Variants in BBX observed in about 807,000 individuals in gnomAD.
BBX encodes HMG box transcription factor BBX.
In BBX, 30 loss-of-function variants were observed where a neutral mutation model predicts 100.2. That is an observed-to-expected ratio of 0.30 (90% CI 0.22 to 0.41). BBX has a LOEUF of 0.41. Ranked by LOEUF, BBX falls within the 10% of genes least tolerant of loss-of-function variation. BBX has a pLI of 1.00. For missense variants in BBX, 1,023 were observed against 1,129.8 expected, an observed-to-expected ratio of 0.91 and a Z score of 1.35; for synonymous variants, 376 against 388.1, an observed-to-expected ratio of 0.97 and a Z score of 0.37.
At chr3:107,754,809 G>A (rs2065348650) in intron 9 of BBX, among the ~76,000 whole-genome samples, 1 of 152,222 alleles carries the variant, frequency 6.6e-6, no homozygotes, top group Admixed American at 6.5e-5. Flanking sequence ...AGGTGAAGAT[G>A]CTTGTAAATG....
intron 10 of BBX, among the ~76,000 whole-genome samples, chr3:107,756,605 A>G (rs1023377929): frequency 1.3e-5 from 2 of 152,180 alleles, no homozygotes; most frequent in African/African-American, 4.8e-5. Context: ...AAAATATATA[A>G]TATCTTTAAA....
At chr3:107,693,940 A>G (rs2060377576) in intron 3 of BBX, among the ~76,000 whole-genome samples, 1 of 151,018 alleles carries the variant, frequency 6.6e-6, no homozygotes, top group African/African-American at 2.5e-5. Context: ...ATTGCTAGGT[A>G]TTTTATTCTC....
intron 2 of BBX, among the ~76,000 whole-genome samples, chr3:107,534,190 T>G (rs1396260294): frequency 2.0e-5 from 3 of 152,168 alleles, no homozygotes; most frequent in African/African-American, 4.8e-5. Context: ...CATTCCTTGG[T>G]GTAGGAAAGC....
At chr3:107,532,452 G>T (rs760578959) in intron 2 of BBX, among the ~76,000 whole-genome samples, 3 of 152,102 alleles carry the variant, frequency 2.0e-5, no homozygotes, top group Non-Finnish European at 1.5e-5. Flanking sequence ...TTCTAATTGG[G>T]GTGTTCCTCA....
intron 2 of BBX, among the ~76,000 whole-genome samples, chr3:107,606,339 G>C (rs1170556645): frequency 1.3e-5 from 2 of 152,168 alleles, no homozygotes; most frequent in Non-Finnish European, 2.9e-5. Context: ...AAAATGGTTT[G>C]CAATAGCAGA....
intron 3 of BBX, among the ~76,000 whole-genome samples, chr3:107,646,857 T>C (rs2057547723): frequency 6.6e-6 from 1 of 152,174 alleles, no homozygotes; most frequent in African/African-American, 2.4e-5. Flanking sequence ...CTTCCCCTTT[T>C]GGTAACTATA....
At chr3:107,791,432 T>C in intron 15 of BBX, 133 bp downstream of exon 15, 1 of 711,364 alleles carries the variant, frequency 1.4e-6, no homozygotes, top group South Asian at 2.6e-5. Flanking sequence ...AATTAGGTTA[T>C]TTTTAATTTT....
intron 2 of BBX, among the ~76,000 whole-genome samples, chr3:107,556,434 C>CAG (rs1406341028): frequency 6.6e-6 from 1 of 152,114 alleles, no homozygotes; most frequent in Non-Finnish European, 1.5e-5. Context: ...AGCAAACTTT[C>CAG]AGAGCCCTTC....
chr3:107,669,909 T>C (rs918554492), intron 3 of BBX, among the ~76,000 whole-genome samples: 5 of 152,200 alleles, frequency 3.3e-5, no homozygotes, highest in African/African-American at 1.2e-4. Flanking sequence ...ACACCCCTGC[T>C]CTGACTCATG....
chr3:107,528,365 G>A (rs1416939535), intron 2 of BBX, among the ~76,000 whole-genome samples: 2 of 152,134 alleles, frequency 1.3e-5, no homozygotes, highest in African/African-American at 4.8e-5. Flanking sequence ...CTATTGAAAA[G>A]GTGGCTCATC....
At chr3:107,647,267 A>C (rs1230586377) in intron 3 of BBX, among the ~76,000 whole-genome samples, 1 of 152,182 alleles carries the variant, frequency 6.6e-6, no homozygotes, top group Non-Finnish European at 1.5e-5. Flanking sequence ...TTTAAAGAAA[A>C]TGGAATTTGT....
chr3:107,695,017 T>A (rs201441003), intron 3 of BBX, among the ~76,000 whole-genome samples: 44,300 of 149,988 alleles, frequency 0.3, 8,018 homozygotes, highest in East Asian at 0.91. Context: ...TGGTAGTTTG[T>A]ATTTCTGTGG....
intron 2 of BBX, among the ~76,000 whole-genome samples, chr3:107,625,010 A>G (rs1333977899): frequency 6.6e-6 from 1 of 152,174 alleles, no homozygotes; most frequent in Admixed American, 6.5e-5. Flanking sequence ...TTCTTCTAGC[A>G]TTGATTTTTG....
chr3:107,769,607 A>G (rs892153288), intron 10 of BBX, among the ~76,000 whole-genome samples: 4 of 152,146 alleles, frequency 2.6e-5, no homozygotes, highest in Non-Finnish European at 1.5e-5. Context: ...GGAGATGGGA[A>G]GAGACTTACG....
intron 2 of BBX, among the ~76,000 whole-genome samples, chr3:107,634,560 T>C (rs1368776561): frequency 1.3e-5 from 2 of 152,224 alleles, no homozygotes; most frequent in Non-Finnish European, 2.9e-5. Flanking sequence ...ATAGACAATC[T>C]CTTGAAGATT....
intron 2 of BBX, among the ~76,000 whole-genome samples, chr3:107,600,859 A>G (rs763909981): frequency 1.3e-5 from 2 of 152,118 alleles, no homozygotes; most frequent in Non-Finnish European, 2.9e-5. Flanking sequence ...CTGACTGTCC[A>G]TGTGTACCTT....
At chr3:107,742,477 A>G (rs867770734) in intron 7 of BBX, among the ~76,000 whole-genome samples, 2 of 152,192 alleles carry the variant, frequency 1.3e-5, no homozygotes, top group Non-Finnish European at 2.9e-5. Context: ...TATACTGAAG[A>G]TGTATGCTAA....
intron 2 of BBX, among the ~76,000 whole-genome samples, chr3:107,579,605 G>C (rs763354904): frequency 6.6e-6 from 1 of 152,318 alleles, no homozygotes; most frequent in African/African-American, 2.4e-5. Context: ...GTTGATGGAT[G>C]CTTTGCAGTC....
chr3:107,560,886 A>G (rs1157132246), intron 2 of BBX, among the ~76,000 whole-genome samples: 1 of 152,220 alleles, frequency 6.6e-6, no homozygotes, highest in African/African-American at 2.4e-5. Context: ...CTAATTAAGA[A>G]GGAAGACCAA....
Sources: allele counts gnomAD v4.1 joint callset (sites outside exome capture counted in the v4.1 genomes callset), GRCh38; gene constraint gnomAD v4.1.1; transcripts MANE v1.5; gene names NCBI Gene and HGNC (gene_info 2026-07-23, HGNC 2026-07-21).